Variants in FNDC1 observed in about 807,000 individuals in gnomAD.
The protein encoded by FNDC1 is fibronectin type III domain-containing protein 1.
FNDC1 carries 96 observed loss-of-function variants against 168.0 expected under a neutral mutation model. The ratio of observed to expected loss-of-function variants is 0.57; its 90% CI spans 0.48 to 0.68. FNDC1 has a LOEUF of 0.68. FNDC1 is among the 30% of genes least tolerant of loss of function. The probability of loss-of-function intolerance (pLI) is 0.00; values close to 1 mark genes in which losing one functional copy is unlikely to be tolerated. For missense variants in FNDC1, 2,587 were observed against 2,482.1 expected (o/e 1.04, Z -0.90); for synonymous variants, 1,099 against 1,025.9 (o/e 1.07, Z -1.36).
At position 159,200,513 on chromosome 6, in the gene FNDC1, G is replaced by A. The variant is rs1233907349; in HGVS notation, c.392G>A (p.Gly131Glu). ...ATCAAGTTGCATTTCCCTAATTTAG[G>A]AGGTGAATGGATCGAGATTGATGGT... ...RPVYRAESPPGGEWIEIDGFP... is the reference protein window; with the variant it reads ...RPVYRAESPPEGEWIEIDGFP... Residue 131 changes from glycine to glutamate, a missense_variant and splice_region_variant, in exon 4 of 23, where the codon GGA becomes GAA. Gly to Glu is a moderately conservative substitution (Grantham distance 98). Coordinates refer to ENST00000297267, the MANE Select transcript of FNDC1 (RefSeq NM_032532.3). 1.1e-5 allele frequency: 17 copies of A among 1,596,460 alleles called. No individual in the cohort carries two copies. The highest frequency in any genetic ancestry group is 1.7e-5 in the Admixed American group (1 of 57,918).
chr6:159,227,045 T>C (rs1050187071), intron 9 of FNDC1, among the ~76,000 whole-genome samples: 7 of 152,228 alleles, frequency 4.6e-5, no homozygotes, highest in African/African-American at 7.2e-5. Context: ...TTTGTCACCA[T>C]TTGTTTATGT....
intron 22 of FNDC1, among the ~76,000 whole-genome samples, chr6:159,269,811 C>T (rs904227209): frequency 1.3e-5 from 2 of 152,110 alleles, no homozygotes; most frequent in Admixed American, 1.3e-4. Flanking sequence ...GAACCTCAGT[C>T]TTTTTCTATT....
intron 14 of FNDC1, among the ~76,000 whole-genome samples, chr6:159,244,580 G>A (rs548712784): frequency 3.2e-4 from 48 of 152,306 alleles, no homozygotes; most frequent in African/African-American, 1.2e-3. Flanking sequence ...ATTCAAACTA[G>A]GCTAAAAAGG....
chr6:159,211,329 C>T (rs1027078589), intron 4 of FNDC1, among the ~76,000 whole-genome samples: 2 of 152,210 alleles, frequency 1.3e-5, no homozygotes, highest in African/African-American at 2.4e-5. Context: ...GGGAAGTGAG[C>T]ATGTCCTGCC....
At chr6:159,173,117 T>C (rs1384466632) in intron 1 of FNDC1, among the ~76,000 whole-genome samples, 1 of 152,220 alleles carries the variant, frequency 6.6e-6, no homozygotes, top group Non-Finnish European at 1.5e-5. Context: ...CACAGAAACA[T>C]AACCTCCTTG....
In FNDC1 at chr6:159,226,534, C is replaced by T. The variant is rs778396761; in HGVS notation, c.1134C>T (p.Val378=). 60 of 1,610,942 alleles carry T rather than the reference C, an allele frequency of 3.7e-5. No individual in the cohort carries two copies. The East Asian group carries it at 4.5e-4, about 12-fold the overall frequency. Residue 378 remains valine (V), a synonymous_variant, in exon 9 of 23, where the codon GTC becomes GTT. Transcript: ENST00000297267. ...VWPVNGKPTV[V]AASWDALPET... ...CAGTCAATGGCAAACCTACAGTTGT[C>T]GCTGCATCTTGGGATGCGCTACCAG...
intron 4 of FNDC1, among the ~76,000 whole-genome samples, chr6:159,209,646 G>A (rs778233414): frequency 1.3e-5 from 2 of 152,206 alleles, no homozygotes; most frequent in African/African-American, 4.8e-5. Context: ...CAGAAATCTC[G>A]AACTGAAGGT....
intron 15 of FNDC1, among the ~76,000 whole-genome samples, chr6:159,248,116 A>G (rs187711996): frequency 3.3e-5 from 5 of 152,372 alleles, no homozygotes; most frequent in African/African-American, 1.2e-4. Flanking sequence ...ACTTAAAAGA[A>G]AAACAGCAGA....
intron 18 of FNDC1, among the ~76,000 whole-genome samples, chr6:159,259,712 T>G (rs294886): frequency 5.9e-5 from 9 of 152,046 alleles, no homozygotes; most frequent in Admixed American, 1.3e-4. Context: ...TAAAAGTACA[T>G]GTAACTGGGA....
chr6:159,227,118 A>G lies in FNDC1; in HGVS notation c.1180+538A>G, dbSNP rs111440046. Among the ~76,000 whole-genome samples the G allele has an allele frequency of 7.8e-3, 1,182 of 152,386 alleles. 8 individuals are homozygous for G. Among genetic ancestry groups the G allele is most frequent in the Non-Finnish European group, 0.012 (816 of 68,036 alleles). On this transcript the variant is annotated intron_variant, in intron 9 of 22. Transcript: ENST00000297267. ...CAAAAAAACCTAGATATTTTAAAGA[A>G]TAAAAATAGAGTAAAACATTCACAA...
chr6:159,269,574 CCTATCTGT>C (rs1212150194), intron 22 of FNDC1, among the ~76,000 whole-genome samples: 5 of 145,402 alleles, frequency 3.4e-5, no homozygotes, highest in Admixed American at 7.1e-5. Context: ...ATCCATCTAT[CCTATCTGT>C]CTGTCTGTCT....
intron 1 of FNDC1, among the ~76,000 whole-genome samples, chr6:159,171,605 C>T (rs1781662230): frequency 6.6e-6 from 1 of 152,234 alleles, no homozygotes; most frequent in Admixed American, 6.5e-5. Context: ...GCAGGACACA[C>T]TGAAGATCTG....
intron 4 of FNDC1, among the ~76,000 whole-genome samples, chr6:159,205,569 C>T (rs375054099): frequency 1.3e-5 from 2 of 152,250 alleles, no homozygotes; most frequent in African/African-American, 2.4e-5. Flanking sequence ...TCAGCAACTC[C>T]TGTCTTCCAA....
chr6:159,185,075 G>GC (rs971816532), intron 1 of FNDC1, among the ~76,000 whole-genome samples: 8 of 95,768 alleles, frequency 8.4e-5, no homozygotes, highest in South Asian at 4.4e-4. Flanking sequence ...GGTGGGGGGG[G>GC]GGGAATCTTG....
At chr6:159,203,073 T>C (rs367917429) in intron 4 of FNDC1, among the ~76,000 whole-genome samples, 5 of 152,370 alleles carry the variant, frequency 3.3e-5, no homozygotes, top group African/African-American at 1.2e-4. Flanking sequence ...ATCCTTGGTA[T>C]CTGTGTGTCC....
intron 14 of FNDC1, among the ~76,000 whole-genome samples, chr6:159,241,682 C>A: frequency 6.6e-6 from 1 of 152,310 alleles, no homozygotes. Context: ...TTTCTTATTT[C>A]TACTGTTTCA....
At chr6:159,217,806 G>C (rs888429326) in intron 5 of FNDC1, among the ~76,000 whole-genome samples, 1 of 152,220 alleles carries the variant, frequency 6.6e-6, no homozygotes, top group Non-Finnish European at 1.5e-5. Context: ...GCAGCGGCAT[G>C]TGAAATGTCA....
intron 17 of FNDC1, among the ~76,000 whole-genome samples, chr6:159,255,425 C>T (rs908187124): frequency 5.3e-5 from 8 of 152,166 alleles, no homozygotes; most frequent in South Asian, 2.1e-4. Flanking sequence ...GGCCAGCTCC[C>T]GCTACACACC....
At chr6:159,229,644 TG>T (rs1349433986) in intron 9 of FNDC1, among the ~76,000 whole-genome samples, 170 bp from the exon 10 acceptor site, 1 of 152,214 alleles carries the variant, frequency 6.6e-6, no homozygotes, top group African/African-American at 2.4e-5. Flanking sequence ...CGAATGAATG[TG>T]AGTTCACCTT....
Sources: allele counts gnomAD v4.1 joint callset (sites outside exome capture counted in the v4.1 genomes callset), GRCh38; gene constraint gnomAD v4.1.1; transcripts MANE v1.5; gene names NCBI Gene and HGNC (gene_info 2026-07-23, HGNC 2026-07-21).